Variants in TAS2R1 observed in about 807,000 individuals in gnomAD.
TAS2R1 encodes taste receptor type 2 member 1.
For missense variants in TAS2R1, 370 were observed against 353.4 expected, an observed-to-expected ratio of 1.05 and a Z score of -0.38; for synonymous variants, 141 against 134.2, an observed-to-expected ratio of 1.05 and a Z score of -0.35.
the TAS2R1 span, among the ~76,000 whole-genome samples, chr5:9,769,993 C>T: frequency 3.3e-5 from 5 of 152,140 alleles, no homozygotes; most frequent in Non-Finnish European, 7.4e-5. Flanking sequence ...TGTGCCCCAA[C>T]TCCAATGTCC....
the TAS2R1 span, among the ~76,000 whole-genome samples, chr5:9,839,325 G>C: frequency 6.6e-6 from 1 of 152,154 alleles, no homozygotes; most frequent in South Asian, 2.1e-4. Context: ...AAAGCAAGTG[G>C]TAAGAATTCA....
the TAS2R1 span, among the ~76,000 whole-genome samples, chr5:9,808,497 C>T: frequency 1.3e-5 from 2 of 152,118 alleles, no homozygotes; most frequent in African/African-American, 2.4e-5. Flanking sequence ...AATCCTTAGC[C>T]TATCCATATT....
the TAS2R1 span, among the ~76,000 whole-genome samples, chr5:9,747,194 G>A: frequency 3.9e-5 from 6 of 152,304 alleles, no homozygotes; most frequent in South Asian, 8.3e-4. Context: ...ATTGGAGTTT[G>A]CAATATGGAT....
intron 1 of TAS2R1, among the ~76,000 whole-genome samples, chr5:9,702,259 C>G (rs1011643384): frequency 5.3e-5 from 8 of 152,174 alleles, no homozygotes; most frequent in Non-Finnish European, 1.0e-4. Flanking sequence ...TTATTAAACT[C>G]TTACTCTTCT....
At chr5:9,785,003 T>TTAAAGGGGCTATAAA in the TAS2R1 span, among the ~76,000 whole-genome samples, 2 of 152,048 alleles carry the variant, frequency 1.3e-5, no homozygotes, top group African/African-American at 4.8e-5. Context: ...CAGAACAGTA[T>TTAAAGGGGCTATAAA]CCCATGTTAA....
At chr5:9,869,637 T>C in the TAS2R1 span, among the ~76,000 whole-genome samples, 3 of 152,216 alleles carry the variant, frequency 2.0e-5, no homozygotes, top group Non-Finnish European at 2.9e-5. Flanking sequence ...GCTTCAATAA[T>C]TGATGTTTCA....
At chr5:9,797,747 GT>G in the TAS2R1 span, among the ~76,000 whole-genome samples, 2 of 152,032 alleles carry the variant, frequency 1.3e-5, no homozygotes, top group African/African-American at 2.4e-5. Flanking sequence ...GTAGCAGGCT[GT>G]TTTTAGCTTA....
At chr5:9,859,571 T>C in the TAS2R1 span, among the ~76,000 whole-genome samples, 1 of 152,244 alleles carries the variant, frequency 6.6e-6, no homozygotes, top group Admixed American at 6.5e-5. Context: ...AGATCTGTTG[T>C]AATCTAACTG....
At chr5:9,697,203 C>CA (rs1208205772) in intron 1 of TAS2R1, among the ~76,000 whole-genome samples, 3 of 150,452 alleles carry the variant, frequency 2.0e-5, no homozygotes, top group African/African-American at 4.9e-5. Flanking sequence ...CCTCTTGAAA[C>CA]AAAAAAAGAC....
chr5:9,720,621 T>G, the TAS2R1 span, among the ~76,000 whole-genome samples: 2 of 152,184 alleles, frequency 1.3e-5, no homozygotes, highest in African/African-American at 4.8e-5. Flanking sequence ...GGTGGGGAAC[T>G]GCACCTGTCT....
At chr5:9,771,698 T>C in the TAS2R1 span, among the ~76,000 whole-genome samples, 2 of 152,102 alleles carry the variant, frequency 1.3e-5, no homozygotes, top group African/African-American at 2.4e-5. Flanking sequence ...TATTTGTTAT[T>C]AGTCTGTTCA....
At chr5:9,724,491 C>A in the TAS2R1 span, among the ~76,000 whole-genome samples, 1 of 152,034 alleles carries the variant, frequency 6.6e-6, no homozygotes, top group Non-Finnish European at 1.5e-5. Flanking sequence ...AGACAAAAAT[C>A]CATTTTATAT....
the TAS2R1 span, among the ~76,000 whole-genome samples, chr5:9,755,700 T>C: frequency 6.6e-6 from 1 of 152,204 alleles, no homozygotes; most frequent in Non-Finnish European, 1.5e-5. Context: ...TATTTCTTGA[T>C]TACATGCTAA....
At chr5:9,753,721 TG>T in the TAS2R1 span, among the ~76,000 whole-genome samples, 2 of 152,228 alleles carry the variant, frequency 1.3e-5, no homozygotes. Flanking sequence ...AATTAATTTT[TG>T]TATAAGGTGT....
At chr5:9,859,092 G>A in the TAS2R1 span, among the ~76,000 whole-genome samples, 20 of 152,252 alleles carry the variant, frequency 1.3e-4, no homozygotes, top group African/African-American at 4.6e-4. Context: ...TTCCCTCCCA[G>A]CTCAAGAACT....
At chr5:9,849,425 G>A in the TAS2R1 span, among the ~76,000 whole-genome samples, 3 of 152,310 alleles carry the variant, frequency 2.0e-5, no homozygotes, top group East Asian at 1.9e-4. Context: ...TGAAGTAGGC[G>A]CTATTATTAA....
At chr5:9,790,275 G>A in the TAS2R1 span, among the ~76,000 whole-genome samples, 1 of 152,196 alleles carries the variant, frequency 6.6e-6, no homozygotes, top group East Asian at 1.9e-4. Context: ...TTTATACCCT[G>A]CCACTCTGTT....
chr5:9,838,522 A>C, the TAS2R1 span, among the ~76,000 whole-genome samples: 1 of 152,234 alleles, frequency 6.6e-6, no homozygotes, highest in African/African-American at 2.4e-5. Flanking sequence ...CCTGTTATGC[A>C]TACATGATGT....
chr5:9,714,733 G>T (rs1415528775), upstream of TAS2R1, among the ~76,000 whole-genome samples: 1 of 152,200 alleles, frequency 6.6e-6, no homozygotes, highest in Admixed American at 6.5e-5. Flanking sequence ...ATTGAGAATG[G>T]AAGAAAAGCC....
Sources: gnomAD v4.1 joint callset for allele counts (sites outside exome capture counted in the v4.1 genomes callset) on GRCh38, gnomAD v4.1.1 for gene constraint, MANE v1.5 for transcripts, NCBI Gene and HGNC (gene_info 2026-07-23, HGNC 2026-07-21) for gene names.